TSPAN5: variants seen among roughly 807,000 people sequenced by gnomAD.
The protein encoded by TSPAN5 is tetraspanin 5.
A neutral mutation model predicts 37.1 loss-of-function variants in TSPAN5; 10 were observed. That is an observed-to-expected ratio of 0.27 (90% CI 0.17 to 0.46). The LOEUF (loss-of-function observed/expected upper bound fraction) is 0.46. TSPAN5 is among the 20% of genes least tolerant of loss of function. The pLI, the probability that TSPAN5 is intolerant of heterozygous loss-of-function variation, is 1.00. For synonymous variants in TSPAN5, 110 were observed against 118.9 expected (o/e 0.93, Z 0.48); for missense variants, 195 against 326.6 (o/e 0.60, Z 3.11).
chr4:98,539,078 T>C (rs903555336), intron 1 of TSPAN5, among the ~76,000 whole-genome samples: 4 of 150,882 alleles, frequency 2.7e-5, no homozygotes, highest in Non-Finnish European at 5.9e-5. Context: ...GATGTTATGA[T>C]CTCCTTCTGG....
chr4:98,525,898 T>C (rs1753950649), intron 1 of TSPAN5, among the ~76,000 whole-genome samples: 1 of 152,230 alleles, frequency 6.6e-6, no homozygotes. Flanking sequence ...TTACTGTATC[T>C]GTATAATTAA....
chr4:98,532,038 G>C (rs113617373), intron 1 of TSPAN5, among the ~76,000 whole-genome samples: 42 of 152,068 alleles, frequency 2.8e-4, no homozygotes, highest in Non-Finnish European at 4.9e-4. Context: ...AGTTTCTTTC[G>C]CTGTGCAGAA....
chr4:98,529,391 T>C (rs1338234179), intron 1 of TSPAN5, among the ~76,000 whole-genome samples: 2 of 152,264 alleles, frequency 1.3e-5, no homozygotes, highest in African/African-American at 4.8e-5. Flanking sequence ...GGTAAAAAAC[T>C]GCCCGAAGTG....
chr4:98,617,668 A>C (rs920589978), intron 1 of TSPAN5, among the ~76,000 whole-genome samples: 4 of 152,196 alleles, frequency 2.6e-5, no homozygotes, highest in African/African-American at 9.7e-5. Flanking sequence ...CAACAGCTCC[A>C]AAGTGGTTAT....
chr4:98,606,706 A>G (rs1579025126), intron 1 of TSPAN5, among the ~76,000 whole-genome samples: 1 of 152,350 alleles, frequency 6.6e-6, no homozygotes, highest in East Asian at 1.9e-4. Flanking sequence ...TGAGGAATTA[A>G]ATGCAGAGGT....
chr4:98,522,017 T>C (rs921511695), intron 1 of TSPAN5, among the ~76,000 whole-genome samples: 1 of 152,254 alleles, frequency 6.6e-6, no homozygotes, highest in African/African-American at 2.4e-5. Context: ...TAAAAGTTCC[T>C]AAGAAATAAC....
intron 1 of TSPAN5, among the ~76,000 whole-genome samples, chr4:98,532,617 C>CAATCG (rs368411669): frequency 6.6e-6 from 1 of 151,170 alleles, no homozygotes; most frequent in African/African-American, 2.4e-5. Context: ...TTCTAAATAT[C>CAATCG]TGTCATCTGA....
chr4:98,539,963 G>T (rs1236615117), intron 1 of TSPAN5, among the ~76,000 whole-genome samples: 1 of 152,102 alleles, frequency 6.6e-6, no homozygotes, highest in Middle Eastern at 3.2e-3. Flanking sequence ...AAGAACTGAA[G>T]TCTCCTGCCA....
At chr4:98,640,006 G>A (rs1191311941) in intron 1 of TSPAN5, among the ~76,000 whole-genome samples, 1 of 152,070 alleles carries the variant, frequency 6.6e-6, no homozygotes, top group Non-Finnish European at 1.5e-5. Context: ...GGGAAGGGAG[G>A]GAGCTTTCCT....
intron 1 of TSPAN5, among the ~76,000 whole-genome samples, chr4:98,524,101 CA>C (rs1367138321): frequency 6.6e-6 from 1 of 152,136 alleles, no homozygotes; most frequent in Non-Finnish European, 1.5e-5. Flanking sequence ...TTTCAGATAA[CA>C]AAAAGAAACT....
intron 1 of TSPAN5, among the ~76,000 whole-genome samples, chr4:98,557,973 A>G (rs1754790619): frequency 6.6e-6 from 1 of 152,200 alleles, no homozygotes; most frequent in African/African-American, 2.4e-5. Context: ...GAAACCATGA[A>G]CAACGTAATG....
chr4:98,493,457 C>T (rs554643942), intron 2 of TSPAN5, among the ~76,000 whole-genome samples: 16 of 152,278 alleles, frequency 1.1e-4, no homozygotes, highest in African/African-American at 3.6e-4. Context: ...ACGGGCCACA[C>T]ACAGTTATTT....
chr4:98,603,523 A>C (rs1465954584), intron 1 of TSPAN5, among the ~76,000 whole-genome samples: 1 of 152,242 alleles, frequency 6.6e-6, no homozygotes, highest in Non-Finnish European at 1.5e-5. Context: ...AAACAAAATC[A>C]GTGCCTTGGA....
At chr4:98,656,663 G>T (rs1429843986) in intron 1 of TSPAN5, among the ~76,000 whole-genome samples, 1 of 152,148 alleles carries the variant, frequency 6.6e-6, no homozygotes, top group Non-Finnish European at 1.5e-5. Flanking sequence ...GGAATGATCG[G>T]ATATGACATC....
chr4:98,569,633 A>G (rs1755077482), intron 1 of TSPAN5, among the ~76,000 whole-genome samples: 1 of 152,232 alleles, frequency 6.6e-6, no homozygotes, highest in African/African-American at 2.4e-5. Context: ...GGAAAATACA[A>G]GAGACACTAA....
chr4:98,632,013 C>T lies in TSPAN5; in HGVS notation c.81+26133G>A, dbSNP rs1756760365. On this transcript the variant is annotated intron_variant, in intron 1 of 7. Coordinates refer to ENST00000305798, the MANE Select transcript of TSPAN5 (RefSeq NM_005723.4). ...ATCATCTGTGTGCCTCTCACTGAGC[C>T]CCCGCTAAACACACGACTAAAACCA... Among the ~76,000 whole-genome samples the T allele has an allele frequency of 4.6e-5, 7 of 152,104 alleles. No homozygotes were observed. The South Asian group carries it at 1.5e-3, about 32-fold the overall frequency.
intron 1 of TSPAN5, among the ~76,000 whole-genome samples, chr4:98,651,284 C>G (rs181536446): frequency 6.6e-6 from 1 of 152,304 alleles, no homozygotes; most frequent in African/African-American, 2.4e-5. Flanking sequence ...TGCAAAATAA[C>G]TGGCTTATAA....
rs568989775 is a variant in TSPAN5 at position 98,568,606 on chromosome 4, C to G, written c.82-60878G>C. On this transcript the variant is annotated intron_variant, in intron 1 of 7. Coordinates refer to ENST00000305798, the MANE Select transcript of TSPAN5 (RefSeq NM_005723.4). ...ATCACTCAGGGAGGCAGACAGAGGA[C>G]CTCAGAGGCTAGGCAAAGAAATTTA... 1.1e-4 allele frequency among the ~76,000 whole-genome samples: 17 copies of G among 151,984 alleles called. No homozygotes were observed. The South Asian group carries it at 3.5e-3, about 32-fold the overall frequency.
chr4:98,576,542 C>T (rs2110189367), intron 1 of TSPAN5, among the ~76,000 whole-genome samples: 1 of 152,104 alleles, frequency 6.6e-6, no homozygotes, highest in African/African-American at 2.4e-5. Context: ...AAGTTCGAGA[C>T]CAGCTTGGGC....
Sources: allele counts gnomAD v4.1 joint callset (sites outside exome capture counted in the v4.1 genomes callset), GRCh38; gene constraint gnomAD v4.1.1; transcripts MANE v1.5; gene names NCBI Gene and HGNC (gene_info 2026-07-23, HGNC 2026-07-21).